WFDC1: variants seen among roughly 807,000 people sequenced by gnomAD.
The protein encoded by WFDC1 is WAP four-disulfide core domain protein 1.
WFDC1 carries 39 observed loss-of-function variants against 32.9 expected under a neutral mutation model. The ratio of observed to expected loss-of-function variants is 1.19; its 90% CI spans 0.92 to 1.55. The LOEUF (loss-of-function observed/expected upper bound fraction) is 1.55, where lower values mean the gene tolerates loss of function less well. WFDC1 is among the 40% of genes most tolerant of loss of function. The probability of loss-of-function intolerance (pLI) is 0.00; values close to 1 mark genes in which losing one functional copy is unlikely to be tolerated. For missense variants in WFDC1, 386 were observed against 309.5 expected (o/e 1.25, Z -1.85); for synonymous variants, 184 against 137.4 (o/e 1.34, Z -2.37).
intron 4 of WFDC1, among the ~76,000 whole-genome samples, chr16:84,321,110 C>G (rs1428709847): frequency 6.6e-6 from 1 of 152,226 alleles, no homozygotes; most frequent in Non-Finnish European, 1.5e-5. Context: ...GCTTCTCCAG[C>G]CAGATAGCCT....
chr16:84,324,890 T>A (rs1029804261), intron 5 of WFDC1, among the ~76,000 whole-genome samples: 1 of 151,896 alleles, frequency 6.6e-6, no homozygotes, highest in South Asian at 2.1e-4. Context: ...GATTCATCCA[T>A]CCATCCTCTC....
At chr16:84,307,151 G>C (rs1054141946) in intron 1 of WFDC1, among the ~76,000 whole-genome samples, 4 of 152,136 alleles carry the variant, frequency 2.6e-5, no homozygotes, top group Non-Finnish European at 5.9e-5. Flanking sequence ...AGACGTGGAG[G>C]GGGTCAGGGG....
chr16:84,312,266 A>C (rs1434965708), intron 1 of WFDC1, among the ~76,000 whole-genome samples: 1 of 152,196 alleles, frequency 6.6e-6, no homozygotes, highest in African/African-American at 2.4e-5. Flanking sequence ...CCATGTAACC[A>C]GCCCCCAGAC....
rs747021675 is a variant in WFDC1, at chr16:84,318,279, C to A, written c.345C>A (p.Asp115Glu). ...GACCCCGTATTGTGTTAGTCTTAGACTGGCTGGTGCAGCCGAAACCTCGAT... is the reference window on the plus strand; with the variant it reads ...GACCCCGTATTGTGTTAGTCTTAGAATGGCTGGTGCAGCCGAAACCTCGAT... Reference protein sequence around the residue: ...LEAVPPPPVLDWLVQPKPRWL... With the variant: ...LEAVPPPPVLEWLVQPKPRWL... The change falls in exon 3 of 7, where the codon GAC becomes GAA. Residue 115 changes from aspartate to glutamate, a missense_variant. By Grantham distance (45) the Asp-to-Glu change is conservative (BLOSUM62 2). Transcript: ENST00000219454. The A allele has an allele frequency of 6.2e-7, 1 of 1,614,146 alleles. No homozygotes were observed. The highest frequency in any genetic ancestry group is 8.5e-7 in the Non-Finnish European group (1 of 1,179,974).
chr16:84,308,317 C>T (rs1048165111), intron 1 of WFDC1, among the ~76,000 whole-genome samples: 1 of 152,164 alleles, frequency 6.6e-6, no homozygotes, highest in Non-Finnish European at 1.5e-5. Flanking sequence ...CTGGTGCCCC[C>T]TGCAGGGCAC....
intron 4 of WFDC1, among the ~76,000 whole-genome samples, chr16:84,323,938 T>G (rs963601956): frequency 6.6e-6 from 1 of 152,222 alleles, no homozygotes; most frequent in Non-Finnish European, 1.5e-5. Flanking sequence ...CTGACCAACA[T>G]GGCGATACCC....
intron 1 of WFDC1, among the ~76,000 whole-genome samples, chr16:84,310,276 C>T (rs561900204): frequency 1.3e-5 from 2 of 151,948 alleles, no homozygotes; most frequent in East Asian, 1.9e-4. Flanking sequence ...CAGCCTTGAG[C>T]GCTGATTTGA....
chr16:84,319,148 A>G (rs964320176), intron 3 of WFDC1: 5 of 476,786 alleles, frequency 1.0e-5, no homozygotes, highest in African/African-American at 5.9e-5. Flanking sequence ...TGTATCCGTG[A>G]ACATGTCTAT....
At chr16:84,316,350 A>C (rs1034964874) in intron 2 of WFDC1, 2 of 152,242 alleles carry the variant, frequency 1.3e-5, no homozygotes, top group Non-Finnish European at 2.9e-5. Context: ...TTATTTTTCT[A>C]TTCTCTTTAT....
intron 1 of WFDC1, among the ~76,000 whole-genome samples, chr16:84,302,879 A>G (rs1189795108): frequency 6.6e-6 from 1 of 152,172 alleles, no homozygotes; most frequent in Non-Finnish European, 1.5e-5. Flanking sequence ...TTACTGTTGA[A>G]TGAATGAATC....
Position 84,313,055 on chromosome 16 carries a change from C to T in WFDC1, c.239C>T (p.Ala80Val). 4 of 1,394,756 alleles carry T rather than the reference C, an allele frequency of 2.9e-6. No homozygotes were observed. The highest frequency in any genetic ancestry group is 1.5e-5 in the South Asian group (1 of 64,590). 86.4% of individuals were successfully genotyped at this position (1,394,756 alleles called of 1,614,324 possible). A position where few individuals can be genotyped will look rare whatever the true frequency, so the allele number is the denominator to read the frequency against. Reference sequence around the variant, plus strand: ...ACGCTGCCCCCCGGCGCCTGCCAGGCCGCGCGCTGTCAGGCGGACTCCGAG... The same window carrying T: ...ACGCTGCCCCCCGGCGCCTGCCAGGTCGCGCGCTGTCAGGCGGACTCCGAG... ...PRTLPPGACQ[A>V]ARCQADSECP... Residue 80 changes from alanine to valine, a missense_variant, in exon 2 of 7, where the codon GCC (alanine) becomes GTC (valine). Coordinates refer to ENST00000219454, the MANE Select transcript of WFDC1 (RefSeq NM_021197.4).
At chr16:84,315,222 A>G (rs1907878452) in intron 2 of WFDC1, among the ~76,000 whole-genome samples, 2 of 152,114 alleles carry the variant, frequency 1.3e-5, no homozygotes, top group African/African-American at 2.4e-5. Context: ...CTTTAGACCT[A>G]TTTCCAAAGG....
chr16:84,313,003 G>GCAGACC lies in WFDC1; in HGVS notation c.188_193dup (p.Asp64_Arg65insProAsp). 7.9e-7 allele frequency: 1 copy of GCAGACC among 1,266,814 alleles called. No homozygotes were observed. The highest frequency in any genetic ancestry group is 9.9e-7 in the Non-Finnish European group (1 of 1,007,730). 78.5% of individuals were successfully genotyped at this position (1,266,814 alleles called of 1,614,324 possible). A position where few individuals can be genotyped will look rare whatever the true frequency, so the allele number is the denominator to read the frequency against. On this transcript the variant is annotated inframe_insertion, in exon 2 of 7. Coordinates refer to ENST00000219454, the MANE Select transcript of WFDC1 (RefSeq NM_021197.4). The stretch of plus-strand genomic sequence containing the variant: ...GCCCGGCGGCCCCCGGCAGCCCCGA[G>GCAGACC]CAGACCGCTGCCCGCCGCCTCCGCG...
chr16:84,326,697 G>A, intron 5 of WFDC1, 185 bp from the exon 6 acceptor site: 2 of 626,604 alleles, frequency 3.2e-6, no homozygotes, highest in Non-Finnish European at 5.7e-6. Flanking sequence ...CAGAGCTGGT[G>A]ACACCAGCTG....
intron 6 of WFDC1, chr16:84,329,023 A>C (rs1379456272): frequency 4.0e-5 from 6 of 151,760 alleles, no homozygotes; most frequent in Non-Finnish European, 8.8e-5. Context: ...AGCACTGTGG[A>C]TTTAGTAAAT....
chr16:84,320,178 G>T (rs1407633004), intron 4 of WFDC1, among the ~76,000 whole-genome samples: 37 of 152,254 alleles, frequency 2.4e-4, no homozygotes, highest in Non-Finnish European at 1.5e-5. Flanking sequence ...TTATAAAATA[G>T]GCTTTGTGTT....
intron 1 of WFDC1, among the ~76,000 whole-genome samples, chr16:84,300,635 G>A (rs1368458734): frequency 2.0e-5 from 3 of 152,234 alleles, no homozygotes; most frequent in Admixed American, 2.0e-4. Context: ...AGTCATGCTG[G>A]AGGTGGGTGG....
intron 1 of WFDC1, among the ~76,000 whole-genome samples, chr16:84,301,002 CAT>C (rs1906900768): frequency 1.3e-5 from 2 of 151,320 alleles, no homozygotes; most frequent in South Asian, 4.2e-4. Flanking sequence ...GGAGAAGAGA[CAT>C]AGAATCAGAG....
intron 4 of WFDC1, among the ~76,000 whole-genome samples, chr16:84,321,949 G>C (rs1908323812): frequency 6.6e-6 from 1 of 152,146 alleles, no homozygotes; most frequent in Non-Finnish European, 1.5e-5. Context: ...CTACTTCATG[G>C]GGTAGTTATG....
Sources: gnomAD v4.1 joint callset for allele counts (sites outside exome capture counted in the v4.1 genomes callset) on GRCh38, gnomAD v4.1.1 for gene constraint, MANE v1.5 for transcripts, NCBI Gene and HGNC (gene_info 2026-07-23, HGNC 2026-07-21) for gene names.